Variants in BNC2 observed in about 807,000 individuals in gnomAD.
BNC2 encodes basonuclin zinc finger protein 2, also known as zinc finger protein basonuclin-2.
In BNC2, 20 loss-of-function variants were observed where a neutral mutation model predicts 76.3. The ratio of observed to expected loss-of-function variants is 0.26; its 90% confidence interval spans 0.18 to 0.38. The LOEUF is 0.38. Among genes scored for constraint, BNC2 ranks in the 10% least tolerant of loss-of-function variants. BNC2 has a pLI of 1.00. For synonymous variants in BNC2, 582 were observed against 514.8 expected, an observed-to-expected ratio of 1.13 and a Z score of -1.77; for missense variants, 1,382 against 1,399.8, an observed-to-expected ratio of 0.99 and a Z score of 0.20.
At chr9:16,530,605 T>A (rs1018123263) in intron 5 of BNC2, among the ~76,000 whole-genome samples, 1 of 152,212 alleles carries the variant, frequency 6.6e-6, no homozygotes, top group African/African-American at 2.4e-5. Context: ...AGAGGGAGAA[T>A]GTAAACCATA....
intron 5 of BNC2, among the ~76,000 whole-genome samples, chr9:16,482,602 G>A (rs1563804296): frequency 6.6e-6 from 1 of 152,222 alleles, no homozygotes; most frequent in Non-Finnish European, 1.5e-5. Flanking sequence ...ATAGAAGGAT[G>A]ATGAGACATA....
chr9:16,474,528 C>A (rs1821890532), intron 5 of BNC2, among the ~76,000 whole-genome samples: 1 of 152,136 alleles, frequency 6.6e-6, no homozygotes, highest in African/African-American at 2.4e-5. Flanking sequence ...CTCAATATTG[C>A]ACCCTGGATG....
intron 1 of BNC2, among the ~76,000 whole-genome samples, chr9:16,796,735 A>C (rs765221052): frequency 6.6e-6 from 1 of 152,210 alleles, no homozygotes; most frequent in Non-Finnish European, 1.5e-5. Flanking sequence ...AAGAGAATGT[A>C]CTTGAGTAGA....
At chr9:16,499,800 G>A (rs1016771673) in intron 5 of BNC2, among the ~76,000 whole-genome samples, 1 of 151,650 alleles carries the variant, frequency 6.6e-6, no homozygotes, top group Non-Finnish European at 1.5e-5. Flanking sequence ...CAAAGTGCTG[G>A]GATTACAGGC....
chr9:16,637,056 T>TC (rs1176949740), intron 3 of BNC2, among the ~76,000 whole-genome samples: 2 of 152,074 alleles, frequency 1.3e-5, no homozygotes, highest in African/African-American at 2.4e-5. Context: ...TAATTTTTTT[T>TC]TTCTTCTTCT....
At chr9:16,748,947 T>C (rs981181229) in intron 1 of BNC2, among the ~76,000 whole-genome samples, 3 of 124,256 alleles carry the variant, frequency 2.4e-5, no homozygotes, top group Non-Finnish European at 5.2e-5. Flanking sequence ...TATATATATA[T>C]ATGAAATTAA....
rs140083137 is a variant in BNC2, at chr9:16,787,842, C to T, written c.4-49357G>A. ...CTAGGATTAGAAGCATGAGCCAACG[C>T]GCCCTGCCCTTAGACAATATTAATC... On this transcript the variant is annotated intron_variant, in intron 1 of 6. Coordinates refer to ENST00000380672, the MANE Select transcript of BNC2 (RefSeq NM_017637.6). Among the ~76,000 whole-genome samples the T allele has an allele frequency of 4.6e-3, 694 of 152,240 alleles. 3 individuals carry two copies. The highest frequency in any genetic ancestry group is 0.016 in the African/African-American group (650 of 41,524).
At chr9:16,493,880 TAG>T (rs774117327) in intron 5 of BNC2, among the ~76,000 whole-genome samples, 1 of 151,988 alleles carries the variant, frequency 6.6e-6, no homozygotes, top group Admixed American at 6.5e-5. Flanking sequence ...ATGGCGTGTT[TAG>T]AGAGAGCAGA....
chr9:16,431,191 G>A (rs1228293483), intron 6 of BNC2, among the ~76,000 whole-genome samples: 1 of 152,150 alleles, frequency 6.6e-6, no homozygotes, highest in Non-Finnish European at 1.5e-5. Context: ...CAATCATTAA[G>A]ACAAATATAA....
intron 3 of BNC2, among the ~76,000 whole-genome samples, chr9:16,624,262 G>A (rs1373957264): frequency 6.6e-6 from 1 of 152,110 alleles, no homozygotes; most frequent in Non-Finnish European, 1.5e-5. Flanking sequence ...ACAGGGCTAT[G>A]AAAACCGAAA....
chr9:16,456,044 A>T (rs1055862304), intron 5 of BNC2, among the ~76,000 whole-genome samples: 1 of 114,426 alleles, frequency 8.7e-6, no homozygotes, highest in African/African-American at 4.8e-5. Context: ...TGATTTTCTA[A>T]ATCACCAGGA....
intron 5 of BNC2, among the ~76,000 whole-genome samples, chr9:16,506,775 G>T (rs141707109): frequency 4.6e-4 from 69 of 151,248 alleles, no homozygotes; most frequent in Non-Finnish European, 7.8e-4. Flanking sequence ...TGTTTGTTTG[G>T]AGTTTTGCTC....
chr9:16,824,555 A>T (rs1407433662), intron 1 of BNC2, among the ~76,000 whole-genome samples: 1 of 152,138 alleles, frequency 6.6e-6, no homozygotes, highest in African/African-American at 2.4e-5. Flanking sequence ...AGGTGCTTTC[A>T]TATTCTCAAT....
intron 3 of BNC2, among the ~76,000 whole-genome samples, chr9:16,679,207 T>G (rs1000892473): frequency 3.3e-5 from 5 of 152,138 alleles, no homozygotes; most frequent in Admixed American, 3.3e-4. Context: ...CTTGCTTCTT[T>G]CTGCCCATCC....
At chr9:16,725,130 C>T (rs867591905) in intron 3 of BNC2, among the ~76,000 whole-genome samples, 31 of 151,708 alleles carry the variant, frequency 2.0e-4, no homozygotes, top group Middle Eastern at 3.2e-3. Context: ...CAAAAACTAG[C>T]GTAACTGTAT....
intron 2 of BNC2, among the ~76,000 whole-genome samples, chr9:16,736,410 A>T (rs763623233): frequency 1.5e-5 from 2 of 132,884 alleles, no homozygotes; most frequent in African/African-American, 5.7e-5. Context: ...CAGTATACTT[A>T]AAGTTTCAAA....
At chr9:16,825,317 T>C (rs1818428943) in intron 1 of BNC2, among the ~76,000 whole-genome samples, 1 of 152,192 alleles carries the variant, frequency 6.6e-6, no homozygotes, top group South Asian at 2.1e-4. Context: ...TTTATTTCAG[T>C]ACAGTAGAGT....
chr9:16,869,960 A>G (rs890103360), intron 1 of BNC2, among the ~76,000 whole-genome samples: 1 of 152,090 alleles, frequency 6.6e-6, no homozygotes, highest in African/African-American at 2.4e-5. Context: ...AGTAAAACAA[A>G]TCGGCTCCTA....
intron 5 of BNC2, among the ~76,000 whole-genome samples, chr9:16,538,684 T>A (rs1818203256): frequency 6.6e-6 from 1 of 152,182 alleles, no homozygotes; most frequent in Non-Finnish European, 1.5e-5. Context: ...TCTCAGTAAC[T>A]GAAACTAATA....
Sources: allele counts gnomAD v4.1 joint callset (sites outside exome capture counted in the v4.1 genomes callset), GRCh38; gene constraint gnomAD v4.1.1; transcripts MANE v1.5; gene names NCBI Gene and HGNC (gene_info 2026-07-23, HGNC 2026-07-21).